The following CDYL variants were observed in gnomAD, a reference collection of about 807,000 sequenced individuals.
CDYL encodes chromodomain Y like, also known as chromodomain Y-like protein.
CDYL carries 8 observed loss-of-function variants against 47.3 expected under a neutral mutation model. The ratio of observed to expected loss-of-function variants is 0.17; its 90% CI spans 0.10 to 0.31. The LOEUF (loss-of-function observed/expected upper bound fraction) is 0.31. Ranked by LOEUF, CDYL falls within the 10% of genes least tolerant of loss-of-function variation. CDYL has a pLI of 1.00. For missense variants in CDYL, 471 were observed against 701.4 expected (o/e 0.67, Z 3.71); for synonymous variants, 266 against 265.0 (o/e 1.00, Z -0.04).
At chr6:4,907,472 TCA>T (rs1424932283) in intron 2 of CDYL, among the ~76,000 whole-genome samples, 2 of 152,134 alleles carry the variant, frequency 1.3e-5, no homozygotes, top group Non-Finnish European at 2.9e-5. Flanking sequence ...GTGATCCACC[TCA>T]GCTTTCCAAG....
chr6:4,852,803 G>GTTTTTTTTTT (rs1163412177), intron 1 of CDYL, among the ~76,000 whole-genome samples: 23 of 147,626 alleles, frequency 1.6e-4, no homozygotes, highest in African/African-American at 5.6e-4. Flanking sequence ...GGGTTTCTTT[G>GTTTTTTTTTT]TTCTTTTTTT....
intron 3 of CDYL, among the ~76,000 whole-genome samples, chr6:4,748,285 G>A (rs930984906): frequency 5.9e-5 from 9 of 152,006 alleles, no homozygotes; most frequent in African/African-American, 1.7e-4. Flanking sequence ...CAGTTGGGGA[G>A]GCCAAAGCTG....
intron 2 of CDYL, among the ~76,000 whole-genome samples, chr6:4,930,995 A>G (rs1561715316): frequency 6.6e-6 from 1 of 152,030 alleles, no homozygotes; most frequent in African/African-American, 2.4e-5. Flanking sequence ...AGTGTTTACC[A>G]TTTGTTTAGT....
chr6:4,858,306 G>A (rs773121654), intron 1 of CDYL, among the ~76,000 whole-genome samples: 12 of 152,178 alleles, frequency 7.9e-5, no homozygotes, highest in African/African-American at 1.4e-4. Context: ...CTAAACCACC[G>A]TTTGATTTGA....
chr6:4,856,458 G>C (rs1161076443), intron 1 of CDYL, among the ~76,000 whole-genome samples: 1 of 152,192 alleles, frequency 6.6e-6, no homozygotes, highest in East Asian at 1.9e-4. Context: ...GAGGAGGGAA[G>C]GGGACAAGGG....
chr6:4,866,284 G>A (rs1561677661), intron 1 of CDYL, among the ~76,000 whole-genome samples: 1 of 152,112 alleles, frequency 6.6e-6, no homozygotes, highest in Non-Finnish European at 1.5e-5. Flanking sequence ...ATGTTAAAGA[G>A]AAGAACAGAA....
rs1759076959 is a variant in CDYL, at chr6:4,796,539, G to A, written c.24+19732G>A. ...ATGAGTTGGTTTCCTAAGATTATAG[G>A]TTTGCCAATAAATATTTTGTATATT... On this transcript the variant is annotated intron_variant, in intron 1 of 6. Transcript: ENST00000397588. Among the ~76,000 whole-genome samples, 4 of 152,158 alleles carry A rather than the reference G, an allele frequency of 2.6e-5. No homozygotes were observed. In the South Asian group the frequency reaches 8.3e-4, roughly 32 times the overall value.
At chr6:4,881,377 A>C (rs1761758848) in intron 1 of CDYL, among the ~76,000 whole-genome samples, 1 of 152,036 alleles carries the variant, frequency 6.6e-6, no homozygotes, top group Non-Finnish European at 1.5e-5. Context: ...ATCGTTGTAG[A>C]GTAGTGCTTC....
intron 1 of CDYL, among the ~76,000 whole-genome samples, chr6:4,861,163 A>G (rs141247013): frequency 1.3e-5 from 2 of 152,380 alleles, no homozygotes; most frequent in East Asian, 1.9e-4. Context: ...ATGTGATGCT[A>G]TGAGCAAAAT....
At chr6:4,798,312 T>C (rs1200679157) in intron 1 of CDYL, among the ~76,000 whole-genome samples, 1 of 152,168 alleles carries the variant, frequency 6.6e-6, no homozygotes, top group Non-Finnish European at 1.5e-5. Context: ...GATTTGGGGA[T>C]AAGTTCTTGG....
chr6:4,916,593 T>C (rs1461615792), intron 2 of CDYL, among the ~76,000 whole-genome samples: 1 of 99,644 alleles, frequency 1.0e-5, no homozygotes, highest in Non-Finnish European at 2.1e-5. Context: ...CCTGGAAGGG[T>C]GACCAGATGT....
At chr6:4,873,859 C>T (rs970413415) in intron 1 of CDYL, among the ~76,000 whole-genome samples, 10 of 152,272 alleles carry the variant, frequency 6.6e-5, no homozygotes, top group South Asian at 2.1e-4. Flanking sequence ...TCACATGCGC[C>T]GCAGCTGTGC....
In CDYL at chr6:4,776,804, C is replaced by T; in HGVS notation, c.21C>T (p.Tyr7=). Residue 7 remains tyrosine (Y), a synonymous_variant, in exon 1 of 7, where the codon TAC becomes TAT. Transcript: ENST00000397588. The stretch of plus-strand genomic sequence containing the variant: ...CCACCATGGCTTCCGAGGAGCTGTA[C>T]GAGGTACCTCCCCTCCCCCCGGCCT... MASEEL[Y]EVERIVDKRK... 7 of 1,113,916 alleles carry T rather than the reference C, an allele frequency of 6.3e-6. No individual in the cohort carries two copies. The highest frequency in any genetic ancestry group is 7.8e-6 in the Non-Finnish European group (7 of 895,942). The allele number at this position is 1,113,916 out of a possible 1,614,324, so 69.0% of individuals were successfully genotyped here.
chr6:4,932,340 C>T (rs945136337), intron 2 of CDYL, among the ~76,000 whole-genome samples: 2 of 152,190 alleles, frequency 1.3e-5, no homozygotes, highest in African/African-American at 4.8e-5. Context: ...GCAGCATCAT[C>T]ACAGGGCAGA....
At chr6:4,863,752 T>C (rs1201240867) in intron 1 of CDYL, among the ~76,000 whole-genome samples, 1 of 152,250 alleles carries the variant, frequency 6.6e-6, no homozygotes, top group Non-Finnish European at 1.5e-5. Flanking sequence ...ACATATTTAA[T>C]GCAGAAGCTG....
At chr6:4,895,712 T>C (rs1172869361) in intron 2 of CDYL, among the ~76,000 whole-genome samples, 1 of 152,112 alleles carries the variant, frequency 6.6e-6, no homozygotes, top group Non-Finnish European at 1.5e-5. Context: ...TGTTAGTTCT[T>C]TCAAAATGAA....
At chr6:4,915,630 C>G (rs926878930) in intron 2 of CDYL, among the ~76,000 whole-genome samples, 2 of 152,190 alleles carry the variant, frequency 1.3e-5, no homozygotes, top group African/African-American at 4.8e-5. Flanking sequence ...CAACCTGAGT[C>G]AGGTAGAGCA....
At chr6:4,868,515 T>C (rs564289660) in intron 1 of CDYL, among the ~76,000 whole-genome samples, 1 of 152,126 alleles carries the variant, frequency 6.6e-6, no homozygotes, top group Non-Finnish European at 1.5e-5. Flanking sequence ...CAGGTAAGGA[T>C]CTTTTTATAT....
intron 1 of CDYL, among the ~76,000 whole-genome samples, chr6:4,880,780 TA>T (rs1420446457): frequency 3.0e-4 from 45 of 152,352 alleles, no homozygotes; most frequent in African/African-American, 1.0e-3. Flanking sequence ...CCTAGTGACA[TA>T]TTCTGTGGCA....
Sources: allele counts gnomAD v4.1 joint callset (sites outside exome capture counted in the v4.1 genomes callset), GRCh38; gene constraint gnomAD v4.1.1; transcripts MANE v1.5; gene names NCBI Gene and HGNC (gene_info 2026-07-23, HGNC 2026-07-21).